MTHFD2L: variants seen among roughly 807,000 people sequenced by gnomAD.
MTHFD2L encodes the protein methylenetetrahydrofolate dehydrogenase (NADP+ dependent) 2 like.
MTHFD2L carries 29 observed loss-of-function variants against 34.9 expected under a neutral mutation model. That is an observed-to-expected ratio of 0.83 (90% CI 0.62 to 1.13). The LOEUF (loss-of-function observed/expected upper bound fraction) is 1.13. Among genes scored for constraint, MTHFD2L ranks in the 50% most tolerant of loss-of-function variants. MTHFD2L has a pLI of 0.00. For synonymous variants in MTHFD2L, 167 were observed against 155.7 expected (o/e 1.07, Z -0.54); for missense variants, 481 against 446.5 (o/e 1.08, Z -0.70).
chr4:74,191,855 C>T (rs377625823), intron 3 of MTHFD2L, among the ~76,000 whole-genome samples: 4 of 152,164 alleles, frequency 2.6e-5, no homozygotes, highest in East Asian at 3.8e-4. Flanking sequence ...CCGTGCCTGA[C>T]CTCTTTGTAT....
At chr4:74,265,289 T>G (rs1273442953) in intron 6 of MTHFD2L, among the ~76,000 whole-genome samples, 1 of 152,164 alleles carries the variant, frequency 6.6e-6, no homozygotes, top group Non-Finnish European at 1.5e-5. Context: ...CTAATGTGGG[T>G]TTGTGTGATG....
At chr4:74,189,462 T>A (rs1489703989) in intron 3 of MTHFD2L, among the ~76,000 whole-genome samples, 1 of 147,320 alleles carries the variant, frequency 6.8e-6, no homozygotes, top group East Asian at 2.0e-4. Flanking sequence ...GATGGCAGCA[T>A]TGAGCAAGCA....
intron 5 of MTHFD2L, among the ~76,000 whole-genome samples, chr4:74,223,722 G>A (rs982702665): frequency 6.6e-6 from 1 of 151,928 alleles, no homozygotes; most frequent in Admixed American, 6.6e-5. Context: ...TTGGTACATT[G>A]CTAAGTTCTT....
intron 1 of MTHFD2L, among the ~76,000 whole-genome samples, chr4:74,172,300 C>T (rs924993571): frequency 2.0e-5 from 3 of 152,030 alleles, no homozygotes; most frequent in Non-Finnish European, 4.4e-5. Context: ...TATATTAAAA[C>T]TTAAACTTGT....
rs1378947965 is a variant in MTHFD2L, at chr4:74,176,524, G to A, written c.451+1121G>A. Among the ~76,000 whole-genome samples, 4 of 151,910 alleles carry A rather than the reference G, an allele frequency of 2.6e-5. No homozygotes were observed. The South Asian group carries it at 6.2e-4, about 24-fold the overall frequency. ...AAATATCATGTGGGTTTATCTCTGG[G>A]AAACATGGAGAAAACAACACTTTGC... On this transcript the variant is annotated intron_variant, in intron 3 of 7. Transcript: ENST00000325278.
chr4:74,224,256 T>G (rs1040245467), intron 5 of MTHFD2L: 1 of 152,146 alleles, frequency 6.6e-6, no homozygotes, highest in African/African-American at 2.4e-5. Flanking sequence ...TTTTGCACTT[T>G]GGGATAAACT....
intron 1 of MTHFD2L, chr4:74,165,114 T>C (rs1726389770): frequency 3.2e-6 from 1 of 315,178 alleles, no homozygotes; most frequent in Non-Finnish European, 4.6e-6. Context: ...ATTATATATT[T>C]GGAATATCTA....
At chr4:74,142,646 C>T (rs921507944) in intron 1 of MTHFD2L, among the ~76,000 whole-genome samples, 2 of 152,142 alleles carry the variant, frequency 1.3e-5, no homozygotes, top group African/African-American at 4.8e-5. Flanking sequence ...AAATAATTGA[C>T]ATGTATTATG....
intron 6 of MTHFD2L, among the ~76,000 whole-genome samples, chr4:74,255,142 A>G (rs1412202931): frequency 6.7e-6 from 1 of 148,650 alleles, no homozygotes; most frequent in Non-Finnish European, 1.5e-5. Flanking sequence ...TCTCCAAAAA[A>G]AAAAAAAAAA....
intron 6 of MTHFD2L, among the ~76,000 whole-genome samples, chr4:74,254,795 A>G (rs1351456035): frequency 6.8e-6 from 1 of 147,990 alleles, no homozygotes; most frequent in Non-Finnish European, 1.5e-5. Context: ...TAGTATGAAG[A>G]TTAAAAGAGA....
In MTHFD2L at chr4:74,255,482, G is replaced by A. The variant is rs1192602738; in HGVS notation, c.806-25943G>A. ...AAGAAAATATTTTTTTAAATAGTAAGTTCTTTTTTAAATAATTTTAACTTT... is the reference window on the plus strand; with the variant it reads ...AAGAAAATATTTTTTTAAATAGTAAATTCTTTTTTAAATAATTTTAACTTT... On this transcript the variant is annotated intron_variant, in intron 6 of 7. Coordinates refer to ENST00000325278, the MANE Select transcript of MTHFD2L (RefSeq NM_001144978.3). 2.0e-5 allele frequency among the ~76,000 whole-genome samples: 3 copies of A among 152,260 alleles called. No homozygotes were observed. The East Asian group carries it at 5.8e-4, about 29-fold the overall frequency.
intron 5 of MTHFD2L, among the ~76,000 whole-genome samples, chr4:74,224,791 C>T (rs938797627): frequency 2.6e-5 from 4 of 152,006 alleles, no homozygotes; most frequent in African/African-American, 9.7e-5. Context: ...TTCTTCCTTA[C>T]CTGATTAGAA....
intron 3 of MTHFD2L, among the ~76,000 whole-genome samples, chr4:74,196,773 C>A (rs1037407497): frequency 6.6e-6 from 1 of 151,792 alleles, no homozygotes; most frequent in African/African-American, 2.4e-5. Flanking sequence ...TGGTGAAACC[C>A]CATCTGTACT....
At chr4:74,249,387 A>G (rs1386872906) in intron 6 of MTHFD2L, among the ~76,000 whole-genome samples, 1 of 152,000 alleles carries the variant, frequency 6.6e-6, no homozygotes. Flanking sequence ...CTGCACATGA[A>G]ATGGGTTTCC....
intron 5 of MTHFD2L, among the ~76,000 whole-genome samples, chr4:74,221,613 A>G (rs1177518268): frequency 1.3e-5 from 2 of 151,908 alleles, no homozygotes; most frequent in Non-Finnish European, 2.9e-5. Flanking sequence ...TAAATTCTGA[A>G]TAACTTTGTT....
intron 6 of MTHFD2L, among the ~76,000 whole-genome samples, chr4:74,230,461 G>GCA (rs1156403283): frequency 6.6e-6 from 1 of 151,688 alleles, no homozygotes; most frequent in African/African-American, 2.4e-5. Flanking sequence ...GTGGTGGTGG[G>GCA]TGCCTGTAAT....
At chr4:74,298,342 A>T (rs530385335) in intron 7 of MTHFD2L, among the ~76,000 whole-genome samples, 1 of 152,188 alleles carries the variant, frequency 6.6e-6, no homozygotes, top group South Asian at 2.1e-4. Context: ...ACATAGCCTG[A>T]TTCTATGAAA....
intron 1 of MTHFD2L, chr4:74,159,963 A>G: frequency 1.2e-6 from 1 of 826,656 alleles, no homozygotes; most frequent in Non-Finnish European, 1.6e-6. Context: ...GTTGGCCCCA[A>G]GGTTGAGAAA....
intron 3 of MTHFD2L, among the ~76,000 whole-genome samples, chr4:74,198,016 A>G (rs184869377): frequency 1.7e-3 from 256 of 152,216 alleles, no homozygotes; most frequent in Middle Eastern, 0.01. Flanking sequence ...TTTTCCTTTT[A>G]GATTCAGGTT....
Sources: allele counts gnomAD v4.1 joint callset (sites outside exome capture counted in the v4.1 genomes callset), GRCh38; gene constraint gnomAD v4.1.1; transcripts MANE v1.5; gene names NCBI Gene and HGNC (gene_info 2026-07-23, HGNC 2026-07-21).